Variants in NWD1 observed in about 807,000 individuals in gnomAD.
NWD1 encodes NACHT and WD repeat domain containing 1.
NWD1 carries 129 observed loss-of-function variants against 135.1 expected under a neutral mutation model. The observed-to-expected ratio is 0.96, with a 90% CI of 0.83 to 1.11. The LOEUF (loss-of-function observed/expected upper bound fraction) is 1.11. NWD1 is among the 50% of genes least tolerant of loss of function. NWD1 has a pLI of 0.00. For synonymous variants in NWD1, 773 were observed against 786.0 expected (o/e 0.98, Z 0.28); for missense variants, 1,740 against 1,851.3 (o/e 0.94, Z 1.10).
At chr19:16,804,316 C>T (rs545980796) in intron 17 of NWD1, among the ~76,000 whole-genome samples, 2 of 152,054 alleles carry the variant, frequency 1.3e-5, no homozygotes, top group East Asian at 3.9e-4. Flanking sequence ...TGTGGTGGCT[C>T]ATGCCTGTAA....
In NWD1 at chr19:16,815,904, A is replaced by T. The variant is rs1207855851; in HGVS notation, c.*865A>T. 6.6e-6 allele frequency: 1 copy of T among 152,418 alleles called. No homozygotes were observed. The highest frequency in any genetic ancestry group is 1.5e-5 in the Non-Finnish European group (1 of 68,250). The allele number at this position is 152,418 out of a possible 1,614,324, so 9.4% of individuals were successfully genotyped here. A position where few individuals can be genotyped will look rare whatever the true frequency, so the allele number is the denominator to read the frequency against. On this transcript the variant is annotated 3_prime_UTR_variant, in exon 19 of 19. Transcript: ENST00000524140. ...CAACTCATACTTTAGGGAGGGCAGG[A>T]GTTTCTGTATCTATTTTACAGATGA... is the stretch of plus-strand genomic sequence containing the variant.
intron 3 of NWD1, among the ~76,000 whole-genome samples, chr19:16,734,635 C>A (rs1030008976): frequency 6.6e-6 from 1 of 151,098 alleles, no homozygotes; most frequent in African/African-American, 2.4e-5. Flanking sequence ...GGAGTGCAGG[C>A]ATGCAATCAC....
chr19:16,760,554 C>T (rs1161134720), intron 7 of NWD1, among the ~76,000 whole-genome samples: 1 of 151,966 alleles, frequency 6.6e-6, no homozygotes, highest in Non-Finnish European at 1.5e-5. Flanking sequence ...GCTACCATGC[C>T]TGGCCAATTC....
chr19:16,726,535 G>T (rs1012530601), intron 2 of NWD1, among the ~76,000 whole-genome samples: 6 of 151,896 alleles, frequency 4.0e-5, no homozygotes, highest in Non-Finnish European at 2.9e-5. Context: ...CACCTCCTGA[G>T]TTCAAGCGAT....
chr19:16,794,531 A>G lies in NWD1; in HGVS notation c.3282A>G (p.Glu1094=). 1 of 1,609,828 alleles carries G rather than the reference A, an allele frequency of 6.2e-7. No homozygotes were observed. Among genetic ancestry groups the G allele is most frequent in the Non-Finnish European group, 8.5e-7 (1 of 1,177,452 alleles). The part of the protein sequence containing the change: ...PDAVRFLVVS[E]DESLLAAGFG... Reference sequence around the variant, plus strand: ...CTGTGAGGTTCCTGGTGGTCTCTGAAGATGAGTCCCTCCTCGCCGCAGGTA... The same window carrying G: ...CTGTGAGGTTCCTGGTGGTCTCTGAGGATGAGTCCCTCCTCGCCGCAGGTA... The change falls in exon 15 of 19, where the codon GAA becomes GAG. Residue 1094 remains glutamate, a synonymous_variant. Transcript: ENST00000524140.
At chr19:16,762,990 G>T (rs983819822) in intron 8 of NWD1, among the ~76,000 whole-genome samples, 1 of 151,946 alleles carries the variant, frequency 6.6e-6, no homozygotes, top group Admixed American at 6.6e-5. Context: ...TGCCATGTTG[G>T]CCAGGCTGGT....
At chr19:16,725,857 T>A (rs1967307217) in intron 2 of NWD1, among the ~76,000 whole-genome samples, 1 of 151,952 alleles carries the variant, frequency 6.6e-6, no homozygotes, top group Non-Finnish European at 1.5e-5. Context: ...CACAGCAGCC[T>A]TGAACTCTTG....
At chr19:16,744,354 G>A (rs1968209922) in intron 4 of NWD1, 67 bp from the exon 5 acceptor site, 3 of 1,416,794 alleles carry the variant, frequency 2.1e-6, no homozygotes, top group Non-Finnish European at 2.9e-6. Context: ...TCCAGCCTGG[G>A]CGACAGAGCA....
chr19:16,775,264 G>T (rs74695110), intron 11 of NWD1, among the ~76,000 whole-genome samples: 2,935 of 151,916 alleles, frequency 0.019, 47 homozygotes, highest in Middle Eastern at 0.041. Flanking sequence ...TAGTGGGAAA[G>T]AGTGTGTATT....
chr19:16,765,515 G>T (rs1021485554), intron 10 of NWD1, among the ~76,000 whole-genome samples: 1 of 151,946 alleles, frequency 6.6e-6, no homozygotes, highest in African/African-American at 2.4e-5. Flanking sequence ...TCTATTTTTC[G>T]TAGAGACAGG....
chr19:16,761,660 G>A (rs1384589632), intron 7 of NWD1, among the ~76,000 whole-genome samples: 2 of 152,186 alleles, frequency 1.3e-5, no homozygotes, highest in Non-Finnish European at 2.9e-5. Flanking sequence ...ACTGCACCCA[G>A]CCTGAACACC....
At chr19:16,754,628 T>TTCCA (rs761156096) in intron 6 of NWD1, among the ~76,000 whole-genome samples, 58 of 150,074 alleles carry the variant, frequency 3.9e-4, no homozygotes, top group Non-Finnish European at 8.0e-4. Context: ...CATCTCTATC[T>TTCCA]TCCATCCATC....
intron 14 of NWD1, among the ~76,000 whole-genome samples, 195 bp downstream of exon 14, chr19:16,791,817 G>T (rs1272923714): frequency 6.6e-6 from 1 of 152,170 alleles, no homozygotes; most frequent in East Asian, 1.9e-4. Context: ...GGGTTCAAGC[G>T]ATTCTCACTG....
intron 4 of NWD1, among the ~76,000 whole-genome samples, chr19:16,737,565 A>AG (rs199917181): frequency 2.1e-5 from 3 of 145,946 alleles, no homozygotes; most frequent in African/African-American, 7.7e-5. Flanking sequence ...TCTAGTTTTA[A>AG]GTTTTTTTTT....
At chr19:16,729,985 C>T (rs945020850) in intron 2 of NWD1, among the ~76,000 whole-genome samples, 7 of 152,200 alleles carry the variant, frequency 4.6e-5, no homozygotes, top group South Asian at 4.1e-4. Flanking sequence ...CCAGCCCACC[C>T]GTGTGTTTTC....
chr19:16,807,893 C>G lies in NWD1; in HGVS notation c.4044C>G (p.Pro1348=). The G allele has an allele frequency of 1.2e-6, 2 of 1,614,170 alleles. No homozygotes were observed. The highest frequency in any genetic ancestry group is 1.7e-6 in the Non-Finnish European group (2 of 1,180,024). The part of the protein sequence containing the change: ...GPRYTFYTQL[P]ETLSSVAILT... ...GATACACCTTTTACACTCAGCTGCC[C>G]GAGACCCTCTCCAGCGTGGCCATTC... The change falls in exon 18 of 19, where the codon CCC becomes CCG. Residue 1348 remains proline (P), a synonymous_variant. Coordinates refer to ENST00000524140, the MANE Select transcript of NWD1 (RefSeq NM_001007525.5).
At position 16,781,183 on chromosome 19, in the gene NWD1, G is replaced by A. The variant is rs369322052; in HGVS notation, c.2731+1718G>A. Among the ~76,000 whole-genome samples, 43 of 152,286 alleles carry A rather than the reference G, an allele frequency of 2.8e-4. No homozygotes were observed. In the East Asian group the frequency reaches 2.9e-3, roughly 10 times the overall value. On this transcript the variant is annotated intron_variant, in intron 12 of 18. Coordinates refer to ENST00000524140, the MANE Select transcript of NWD1 (RefSeq NM_001007525.5). ...TTCTAGATGCTGAAGAGAGATAGAC[G>A]AGGGTCGGGACTAGGATGGAAAACT...
At chr19:16,731,071 C>A in intron 2 of NWD1, 121 bp from the exon 3 acceptor site, 1 of 580,812 alleles carries the variant, frequency 1.7e-6, no homozygotes. Flanking sequence ...TAGCGAGATC[C>A]CATTCTCCAC....
chr19:16,755,975 A>G (rs1160936620), intron 6 of NWD1, among the ~76,000 whole-genome samples: 1 of 152,204 alleles, frequency 6.6e-6, no homozygotes, highest in Non-Finnish European at 1.5e-5. Context: ...CCTACTGTTG[A>G]CCAGAAGCCT....
Sources: gnomAD v4.1 joint callset for allele counts (sites outside exome capture counted in the v4.1 genomes callset) on GRCh38, gnomAD v4.1.1 for gene constraint, MANE v1.5 for transcripts, NCBI Gene and HGNC (gene_info 2026-07-23, HGNC 2026-07-21) for gene names.